The following SLC1A2 variants were observed in gnomAD, a reference collection of about 807,000 sequenced individuals.
SLC1A2 encodes the protein excitatory amino acid transporter 2.
Under a neutral mutation model 48.8 loss-of-function variants are expected in SLC1A2, and 15 were observed. That is an observed-to-expected ratio of 0.31 (90% CI 0.21 to 0.47). The LOEUF is 0.47. Ranked by LOEUF, SLC1A2 falls within the 20% of genes least tolerant of loss-of-function variation. The probability of loss-of-function intolerance (pLI) is 0.99; values close to 1 mark genes in which losing one functional copy is unlikely to be tolerated. For missense variants in SLC1A2, 502 were observed against 730.5 expected (o/e 0.69, Z 3.61); for synonymous variants, 279 against 272.6 (o/e 1.02, Z -0.23).
intron 1 of SLC1A2, among the ~76,000 whole-genome samples, chr11:35,405,222 T>A (rs1053319147): frequency 1.3e-5 from 2 of 152,198 alleles, no homozygotes; most frequent in African/African-American, 4.8e-5. Context: ...CTAACATTTT[T>A]ATTTAGGTTG....
chr11:35,276,451 TA>T (rs34408622), intron 9 of SLC1A2, among the ~76,000 whole-genome samples: 2,448 of 147,094 alleles, frequency 0.017, 54 homozygotes, highest in African/African-American at 0.047. Context: ...TCATCCTTTT[TA>T]AAAAAAAAAA....
intron 2 of SLC1A2, 62 bp downstream of exon 2, chr11:35,317,315 C>G (rs1161646791): frequency 1.1e-5 from 17 of 1,563,206 alleles, no homozygotes; most frequent in Middle Eastern, 1.7e-4. Context: ...ACCAGCTGCC[C>G]CACAGAGCCA....
At chr11:35,347,919 A>G (rs926952569) in intron 1 of SLC1A2, among the ~76,000 whole-genome samples, 1 of 152,230 alleles carries the variant, frequency 6.6e-6, no homozygotes, top group Non-Finnish European at 1.5e-5. Flanking sequence ...AAAAATGAGG[A>G]CAAAGAAGCT....
chr11:35,380,260 G>T (rs1854378799), intron 1 of SLC1A2: 5 of 397,654 alleles, frequency 1.3e-5, no homozygotes, highest in South Asian at 1.3e-4. Context: ...CTTGACATAA[G>T]AACACCCTGA....
chr11:35,274,472 A>G (rs1387530213), intron 9 of SLC1A2, among the ~76,000 whole-genome samples: 1 of 152,222 alleles, frequency 6.6e-6, no homozygotes, highest in Admixed American at 6.5e-5. Flanking sequence ...TAAGATAGAC[A>G]TAAGCCCCTA....
At chr11:35,291,147 T>C (rs1019061838) in intron 7 of SLC1A2, among the ~76,000 whole-genome samples, 1 of 152,216 alleles carries the variant, frequency 6.6e-6, no homozygotes, top group Non-Finnish European at 1.5e-5. Context: ...ACCTGTTTTA[T>C]GATTCAGTCT....
chr11:35,358,417 T>C (rs1179885166), intron 1 of SLC1A2, among the ~76,000 whole-genome samples: 1 of 152,166 alleles, frequency 6.6e-6, no homozygotes, highest in African/African-American at 2.4e-5. Context: ...CTTCAAGGAA[T>C]TCATTTTAAA....
At chr11:35,419,749 G>C (rs1002316214), upstream of SLC1A2, 1 of 262,188 alleles carries the variant, frequency 3.8e-6, no homozygotes, top group Non-Finnish European at 8.4e-6. This position sits in a 1 kb window ranked among gnomAD's most constrained non-coding sequence, Gnocchi z 5.4. Context: ...AGTAGCTATT[G>C]TTTCCCCTGA....
chr11:35,270,407 A>G (rs1198731457), intron 9 of SLC1A2, among the ~76,000 whole-genome samples: 1 of 152,206 alleles, frequency 6.6e-6, no homozygotes, highest in East Asian at 1.9e-4. Context: ...CTTTTCTTAC[A>G]CCTGTTAATA....
intron 1 of SLC1A2, among the ~76,000 whole-genome samples, chr11:35,336,713 G>A (rs1382465508): frequency 2.0e-5 from 3 of 152,122 alleles, no homozygotes; most frequent in African/African-American, 7.2e-5. Context: ...TAGTTTGTAG[G>A]ACTATGCTCA....
chr11:35,317,514 G>T lies in SLC1A2; in HGVS notation c.20C>A (p.Ala7Asp). Residue 7 changes from alanine to aspartate, a missense_variant and splice_region_variant, in exon 2 of 11, where the codon GCC becomes GAC. Around this residue, in one of 4 missense-constraint regions of SLC1A2, gnomAD observed 89 missense variants for 119.7 expected, o/e 0.74. Coordinates refer to ENST00000278379, the MANE Select transcript of SLC1A2 (RefSeq NM_004171.4). The stretch of plus-strand genomic sequence containing the variant: ...TTCCACCTGCTTGGGCATATTGTTG[G>T]CACTGGAACAGAAGTGAAGGCAGAG... MASTEG[A>D]NNMPKQVEVR... is the part of the protein sequence containing the mutation. 1 of 1,613,172 alleles carries T rather than the reference G, an allele frequency of 6.2e-7. No homozygotes were observed. Among genetic ancestry groups the T allele is most frequent in the East Asian group, 2.2e-5 (1 of 44,878 alleles).
At chr11:35,313,312 A>G (rs891814138) in intron 3 of SLC1A2, among the ~76,000 whole-genome samples, 1 of 152,206 alleles carries the variant, frequency 6.6e-6, no homozygotes, top group African/African-American at 2.4e-5. Flanking sequence ...GAGGTGAAGC[A>G]TGAAGATCCA....
chr11:35,280,805 C>A, intron 9 of SLC1A2, 62 bp downstream of exon 9: 1 of 1,205,906 alleles, frequency 8.3e-7, no homozygotes, highest in Non-Finnish European at 1.2e-6. Context: ...AACCTTGCCA[C>A]CTGTGCATCC....
At chr11:35,317,799 C>T (rs1423765695) in intron 1 of SLC1A2, among the ~76,000 whole-genome samples, 5 of 152,164 alleles carry the variant, frequency 3.3e-5, no homozygotes, top group Non-Finnish European at 7.3e-5. Context: ...TATCATGTTA[C>T]AGAGCCTTTA....
intron 1 of SLC1A2, among the ~76,000 whole-genome samples, chr11:35,324,758 AGGATATG>A (rs1852186574): frequency 1.3e-5 from 2 of 152,154 alleles, no homozygotes. Flanking sequence ...TACAACCTTA[AGGATATG>A]GCCTCTGGAC....
At chr11:35,382,279 A>G (rs1335140682) in intron 1 of SLC1A2, among the ~76,000 whole-genome samples, 2 of 152,168 alleles carry the variant, frequency 1.3e-5, no homozygotes, top group Admixed American at 1.3e-4. Context: ...CAACCTGTCG[A>G]TATTTTCACT....
intron 1 of SLC1A2, among the ~76,000 whole-genome samples, chr11:35,388,425 C>T (rs1190376776): frequency 1.3e-5 from 2 of 152,172 alleles, no homozygotes; most frequent in Non-Finnish European, 2.9e-5. Context: ...CACAGGGTCT[C>T]ACTCTGTTGC....
chr11:35,305,129 T>A (rs761343188), intron 5 of SLC1A2, among the ~76,000 whole-genome samples: 1 of 152,184 alleles, frequency 6.6e-6, no homozygotes, highest in Non-Finnish European at 1.5e-5. Context: ...ACCATTCTAG[T>A]GATGGATGGA....
chr11:35,292,295 G>C lies in SLC1A2; in HGVS notation c.1083C>G (p.Thr361=). 1 of 1,610,456 alleles carries C rather than the reference G, an allele frequency of 6.2e-7. No homozygotes were observed. The highest frequency in any genetic ancestry group is 2.2e-5 in the East Asian group (1 of 44,874). ...TTTCTTTTGTTCTCTACCTGGAAGC[G>C]GTGCCCAGGGCAGTGATCCAAGCTT... The part of the protein sequence containing the change: ...IFQAWITALG[T]ASSAGTLPVT... The change falls in exon 7 of 11, where the codon ACC becomes ACG. Residue 361 remains threonine (T), a synonymous_variant. Transcript: ENST00000278379.
Sources: allele counts gnomAD v4.1 joint callset (sites outside exome capture counted in the v4.1 genomes callset), GRCh38; gene constraint gnomAD v4.1.1; regional missense constraint gnomAD v4.1.1; non-coding constraint Gnocchi (gnomAD v3.1); transcripts MANE v1.5; gene names NCBI Gene and HGNC (gene_info 2026-07-23, HGNC 2026-07-21).